The following MAP4K3 variants were observed in gnomAD, a reference collection of about 807,000 sequenced individuals.
MAP4K3 encodes the protein MAPK/ERK kinase kinase kinase 3.
In MAP4K3, 94 loss-of-function variants were observed where a neutral mutation model predicts 143.5. That is an observed-to-expected ratio of 0.65 (90% CI 0.55 to 0.78). The LOEUF (loss-of-function observed/expected upper bound fraction) is 0.78, where lower values mean the gene tolerates loss of function less well. MAP4K3 is among the 30% of genes least tolerant of loss of function. The probability of loss-of-function intolerance (pLI) is 0.00; values close to 1 mark genes in which losing one functional copy is unlikely to be tolerated. For missense variants in MAP4K3, 1,077 were observed against 1,068.1 expected (o/e 1.01, Z -0.12); for synonymous variants, 416 against 347.2 (o/e 1.20, Z -2.20).
At chr2:39,269,470 CTT>C (rs59479315) in intron 26 of MAP4K3, among the ~76,000 whole-genome samples, 28 of 89,674 alleles carry the variant, frequency 3.1e-4, no homozygotes, top group African/African-American at 1.2e-3. Flanking sequence ...TTGCTCAGGT[CTT>C]TTTTTTTTTT....
intron 12 of MAP4K3, among the ~76,000 whole-genome samples, chr2:39,321,746 C>T (rs921882765): frequency 1.3e-5 from 2 of 152,240 alleles, no homozygotes; most frequent in African/African-American, 2.4e-5. Context: ...CGCCTTAGGG[C>T]TGGAGGTGGG....
rs140727753 is a variant in MAP4K3 at position 39,254,744 on chromosome 2, G to GT, written c.2471-225dup. 1.7e-3 allele frequency among the ~76,000 whole-genome samples: 259 copies of GT among 152,150 alleles called. 6 individuals are homozygous for GT. The East Asian group carries it at 0.024, about 14-fold the overall frequency. The stretch of plus-strand genomic sequence containing the variant: ...ATTCACCGAAAATATTTTTGTTATA[G>GT]TTTTTTTGTATTTCTAGTAGAAATG... On this transcript the variant is annotated intron_variant, in intron 31 of 33. Transcript: ENST00000263881.
At position 39,397,344 on chromosome 2, in the gene MAP4K3, TATTATA is replaced by T. The variant is rs550332615; in HGVS notation, c.97-19227_97-19222del. Among the ~76,000 whole-genome samples, 265 of 152,280 alleles carry T rather than the reference TATTATA, an allele frequency of 1.7e-3. 1 individual carries two copies. Among genetic ancestry groups the T allele is most frequent in the Non-Finnish European group, 2.9e-3 (194 of 67,996 alleles). On this transcript the variant is annotated intron_variant, in intron 1 of 33. Coordinates refer to ENST00000263881, the MANE Select transcript of MAP4K3 (RefSeq NM_003618.4). ...ATCAATAATCTTCATATATACAACATATTATAATACAAACAACAGCAAAAATAAAGA... is the reference window on the plus strand; with the variant it reads ...ATCAATAATCTTCATATATACAACATATACAAACAACAGCAAAAATAAAGA...
intron 15 of MAP4K3, among the ~76,000 whole-genome samples, chr2:39,306,625 A>G (rs1226279001): frequency 6.6e-6 from 1 of 152,048 alleles, no homozygotes; most frequent in Non-Finnish European, 1.5e-5. Context: ...ATTTAAATCT[A>G]CTTTTTTTTA....
At chr2:39,326,565 G>A (rs1683496025) in intron 8 of MAP4K3, among the ~76,000 whole-genome samples, 1 of 152,078 alleles carries the variant, frequency 6.6e-6, no homozygotes, top group Non-Finnish European at 1.5e-5. Context: ...GTTAATGCTG[G>A]AATGAGTTAA....
intron 18 of MAP4K3, 104 bp downstream of exon 18, chr2:39,292,669 T>C: frequency 1.1e-6 from 1 of 879,792 alleles, no homozygotes; most frequent in Non-Finnish European, 1.9e-6. Context: ...CCCATGATAT[T>C]GTGTTACTGA....
intron 2 of MAP4K3, among the ~76,000 whole-genome samples, chr2:39,376,542 T>A (rs1409276297): frequency 6.6e-6 from 1 of 152,230 alleles, no homozygotes; most frequent in Non-Finnish European, 1.5e-5. Context: ...AAGGAAATTT[T>A]AAGATGTACA....
chr2:39,257,805 A>G (rs983648300), intron 31 of MAP4K3, among the ~76,000 whole-genome samples: 2 of 151,802 alleles, frequency 1.3e-5, no homozygotes, highest in African/African-American at 4.8e-5. Context: ...TCAAAAAAAA[A>G]AAAAAAAAAG....
chr2:39,256,893 C>G (rs1680362606), intron 31 of MAP4K3, among the ~76,000 whole-genome samples: 1 of 152,196 alleles, frequency 6.6e-6, no homozygotes, highest in East Asian at 1.9e-4. Context: ...ACTTTTGTAA[C>G]TGGAGCCCAG....
intron 3 of MAP4K3, among the ~76,000 whole-genome samples, chr2:39,346,350 A>G (rs1449093864): frequency 6.6e-6 from 1 of 152,214 alleles, no homozygotes; most frequent in African/African-American, 2.4e-5. Flanking sequence ...TTCTCTCTCC[A>G]GCTTCATATT....
At chr2:39,299,862 AATAT>A (rs1682437925) in intron 15 of MAP4K3, 61 bp from the exon 16 acceptor site, 1 of 676,364 alleles carries the variant, frequency 1.5e-6, no homozygotes. Context: ...ATGATACATT[AATAT>A]ATATAATACA....
chr2:39,436,489 C>T (rs1230070797), intron 1 of MAP4K3: 1 of 183,234 alleles, frequency 5.5e-6, no homozygotes, highest in African/African-American at 2.4e-5. Context: ...CGGACGACCC[C>T]AGGTTGGCGT....
At chr2:39,287,789 C>T (rs1225479039) in intron 20 of MAP4K3, among the ~76,000 whole-genome samples, 2 of 152,072 alleles carry the variant, frequency 1.3e-5, no homozygotes, top group African/African-American at 4.8e-5. Context: ...CAGAAGTAAC[C>T]TAGACGCAAA....
Position 39,430,798 on chromosome 2 carries a change from C to T in MAP4K3, c.96+6094G>A, listed in dbSNP as rs142769304. On this transcript the variant is annotated intron_variant, in intron 1 of 33. Transcript: ENST00000263881. ...TAACCCTACTGATTAGATTTAAGACCTAATAATAACCCATTACATTTAACT... is the reference window on the plus strand; with the variant it reads ...TAACCCTACTGATTAGATTTAAGACTTAATAATAACCCATTACATTTAACT... 6.4e-3 allele frequency among the ~76,000 whole-genome samples: 981 copies of T among 152,184 alleles called. 10 individuals carry two copies. The highest frequency in any genetic ancestry group is 0.023 in the African/African-American group (941 of 41,498).
At position 39,336,471 on chromosome 2, in the gene MAP4K3, CAAAAAAAAAAAA is replaced by C. The variant is rs55780656; in HGVS notation, c.414+437_414+448del. Among the ~76,000 whole-genome samples the C allele has an allele frequency of 3.9e-3, 150 of 38,684 alleles. 1 individual carries two copies. Among genetic ancestry groups the C allele is most frequent in the African/African-American group, 0.019 (132 of 6,846 alleles). The allele number at this position is 38,684 out of a possible 152,430, so 25.4% of individuals were successfully genotyped here. A position where few individuals can be genotyped will look rare whatever the true frequency, so the allele number is the denominator to read the frequency against. ...TGGGCAACAGAGCGAGACTCCATCT[CAAAAAAAAAAAA>C]AAAAAAAAAAAAAAAAAAGACTATG... On this transcript the variant is annotated intron_variant, in intron 6 of 33. Coordinates refer to ENST00000263881, the MANE Select transcript of MAP4K3 (RefSeq NM_003618.4).
At chr2:39,425,910 G>A (rs1227032183) in intron 1 of MAP4K3, among the ~76,000 whole-genome samples, 1 of 152,118 alleles carries the variant, frequency 6.6e-6, no homozygotes, top group East Asian at 1.9e-4. Context: ...ATCATTATTT[G>A]GGAACCATTA....
At chr2:39,414,577 G>A (rs1196356333) in intron 1 of MAP4K3, among the ~76,000 whole-genome samples, 1 of 152,026 alleles carries the variant, frequency 6.6e-6, no homozygotes. Flanking sequence ...ATTCTCTTAA[G>A]AGTATGTACC....
chr2:39,280,834 G>A (rs1327775987), intron 22 of MAP4K3, among the ~76,000 whole-genome samples: 2 of 152,050 alleles, frequency 1.3e-5, no homozygotes, highest in Non-Finnish European at 2.9e-5. Flanking sequence ...ATTCATATAT[G>A]TGCTTCAACC....
chr2:39,398,037 G>A (rs1293913766), intron 1 of MAP4K3, among the ~76,000 whole-genome samples: 1 of 152,028 alleles, frequency 6.6e-6, no homozygotes, highest in East Asian at 1.9e-4. Flanking sequence ...TATTGCTGCT[G>A]AAATGCAAAA....
Sources: allele counts gnomAD v4.1 joint callset (sites outside exome capture counted in the v4.1 genomes callset), GRCh38; gene constraint gnomAD v4.1.1; transcripts MANE v1.5; gene names NCBI Gene and HGNC (gene_info 2026-07-23, HGNC 2026-07-21).